PDK3: variants seen among roughly 807,000 people sequenced by gnomAD.
The protein encoded by PDK3 is pyruvate dehydrogenase kinase, isozyme 3.
In PDK3, 12 loss-of-function variants were observed where a neutral mutation model predicts 32.0. The ratio of observed to expected loss-of-function variants is 0.37; its 90% CI spans 0.24 to 0.61. The LOEUF (loss-of-function observed/expected upper bound fraction) is 0.61, where lower values mean the gene tolerates loss of function less well. Ranked by LOEUF, PDK3 falls within the 20% of genes least tolerant of loss-of-function variation. PDK3 has a pLI of 0.65. For synonymous variants in PDK3, 122 were observed against 116.3 expected (o/e 1.05, Z -0.31); for missense variants, 188 against 316.9 (o/e 0.59, Z 3.09).
At chrX:24,490,540 C>T (rs1250783670) in intron 1 of PDK3, among the ~76,000 whole-genome samples, 2 of 111,429 alleles carry the variant, frequency 1.8e-5, no homozygotes, top group African/African-American at 6.5e-5. Flanking sequence ...ATTTCTTTTT[C>T]ATATATTTGC....
At chrX:24,516,299 A>G (rs924407300) in intron 5 of PDK3, among the ~76,000 whole-genome samples, 11 of 111,655 alleles carry the variant, frequency 9.9e-5, no homozygotes, top group African/African-American at 3.6e-4. Flanking sequence ...TGTTGAGAAC[A>G]TTCCAAATGC....
chrX:24,489,779 T>C (rs1921506573), intron 1 of PDK3, among the ~76,000 whole-genome samples: 1 of 110,289 alleles, frequency 9.1e-6, no homozygotes, highest in Non-Finnish European at 1.9e-5. Flanking sequence ...GAAAAAATCA[T>C]TGAGAAGCTA....
At chrX:24,470,936 C>G (rs765380493) in intron 1 of PDK3, among the ~76,000 whole-genome samples, 4 of 109,918 alleles carry the variant, frequency 3.6e-5, no homozygotes, top group Admixed American at 9.9e-5. Context: ...CTTCTGGTCT[C>G]AGGTTTATTT....
At chrX:24,517,467 C>T (rs1287800464) in intron 5 of PDK3, among the ~76,000 whole-genome samples, 1 of 112,262 alleles carries the variant, frequency 8.9e-6, no homozygotes. Flanking sequence ...AAGTGATCAG[C>T]CCACCTCGGC....
intron 4 of PDK3, 47 bp from the exon 5 acceptor site, chrX:24,505,162 A>G (rs1472436324): frequency 1.1e-6 from 1 of 950,847 alleles, no homozygotes; most frequent in African/African-American, 1.9e-5. Context: ...TGACCATCCC[A>G]GCCTGCTGTG....
chrX:24,514,868 T>G (rs1396548682), intron 5 of PDK3, among the ~76,000 whole-genome samples: 1 of 111,590 alleles, frequency 9.0e-6, no homozygotes, highest in Non-Finnish European at 1.9e-5. Flanking sequence ...AGCTACTGCC[T>G]CGGAATTTCC....
intron 3 of PDK3, 103 bp from the exon 4 acceptor site, chrX:24,503,224 T>C: frequency 4.1e-6 from 2 of 489,325 alleles, no homozygotes; most frequent in Non-Finnish European, 6.4e-6. Flanking sequence ...TCTCTACTTA[T>C]AAAAATACCA....
intron 1 of PDK3, among the ~76,000 whole-genome samples, chrX:24,485,555 AGGCT>A (rs1167192705): frequency 9.0e-6 from 1 of 110,760 alleles, no homozygotes; most frequent in Non-Finnish European, 1.9e-5. Context: ...AGTGGCAGGA[AGGCT>A]GGCTGGGTGC....
intron 1 of PDK3, among the ~76,000 whole-genome samples, chrX:24,484,836 A>T (rs1921357658): frequency 9.3e-6 from 1 of 107,441 alleles, no homozygotes; most frequent in African/African-American, 3.4e-5. Context: ...CTCTCCATCC[A>T]TCCCTATTCC....
exon 12 of PDK3, chrX:24,545,807 T>C (rs1484363734): frequency 9.0e-6 from 1 of 111,326 alleles, no homozygotes; most frequent in Non-Finnish European, 1.9e-5. Flanking sequence ...ATGGCAGGGG[T>C]CAAAGCAGAC....
chrX:24,480,285 A>T (rs1921221002), intron 1 of PDK3, among the ~76,000 whole-genome samples: 1 of 112,683 alleles, frequency 8.9e-6, no homozygotes, highest in Non-Finnish European at 1.9e-5. Context: ...CTGAAATAAA[A>T]CTCAAAGGTG....
chrX:24,547,453 C>T (rs1923020813), exon 12 of PDK3: 1 of 111,650 alleles, frequency 9.0e-6, no homozygotes, highest in Non-Finnish European at 1.9e-5. Flanking sequence ...TTATTAAGCA[C>T]TTTAGTTAAG....
chrX:24,539,104 C>T (rs1432601029), downstream of PDK3: 1 of 1,001,887 alleles, frequency 1.0e-6, no homozygotes, highest in African/African-American at 1.9e-5. Flanking sequence ...CACAAACTCA[C>T]TATGGATATT....
chrX:24,486,765 G>T (rs912907498), intron 1 of PDK3, among the ~76,000 whole-genome samples: 1 of 111,266 alleles, frequency 9.0e-6, no homozygotes, highest in South Asian at 3.8e-4. Flanking sequence ...TAAGTAGCTG[G>T]AACTATAGTC....
intron 1 of PDK3, among the ~76,000 whole-genome samples, chrX:24,490,619 C>T (rs1412791803): frequency 8.9e-6 from 1 of 112,158 alleles, no homozygotes; most frequent in Non-Finnish European, 1.9e-5. Flanking sequence ...ATCCTACTTA[C>T]TGGAAATGTT....
chrX:24,540,412 A>T (rs1275172198), exon 12 of PDK3, among the ~76,000 whole-genome samples: 1 of 111,768 alleles, frequency 8.9e-6, no homozygotes, highest in African/African-American at 3.3e-5. Context: ...TGTTGAGTCC[A>T]CTGATGTAGA....
At chrX:24,488,745 A>G (rs1371573534) in intron 1 of PDK3, among the ~76,000 whole-genome samples, 1 of 112,100 alleles carries the variant, frequency 8.9e-6, no homozygotes, top group Non-Finnish European at 1.9e-5. Context: ...AGGATCGTCA[A>G]ACTTAGGAGA....
intron 4 of PDK3, among the ~76,000 whole-genome samples, chrX:24,504,384 A>T (rs1219824302): frequency 8.9e-6 from 1 of 112,553 alleles, no homozygotes. Context: ...ATCTAAATAC[A>T]CATGTACACA....
rs183505085 is a variant in PDK3 at position 24,499,476 on chromosome X, A to T, written c.320+576A>T. Among the ~76,000 whole-genome samples the T allele has an allele frequency of 5.4e-5, 6 of 111,917 alleles. No homozygotes were observed. The East Asian group carries it at 1.4e-3, about 26-fold the overall frequency. On this transcript the variant is annotated intron_variant, in intron 3 of 10. Transcript: ENST00000379162. Reference sequence around the variant, plus strand: ...GAGTATGTTTTCCCCTCCAAGAGAAATTAAATATCCCTTTCACATTAATTT... The same window carrying T: ...GAGTATGTTTTCCCCTCCAAGAGAATTTAAATATCCCTTTCACATTAATTT...
Sources: allele counts gnomAD v4.1 joint callset (sites outside exome capture counted in the v4.1 genomes callset), GRCh38; gene constraint gnomAD v4.1.1; transcripts MANE v1.5; gene names NCBI Gene and HGNC (gene_info 2026-07-23, HGNC 2026-07-21).